MCM2: variants seen among roughly 807,000 people sequenced by gnomAD.
MCM2 encodes the protein minichromosome maintenance complex component 2, also known as DNA replication licensing factor MCM2.
MCM2 carries 49 observed loss-of-function variants against 86.4 expected under a neutral mutation model. The observed-to-expected ratio is 0.57, with a 90% confidence interval of 0.45 to 0.72. The LOEUF is 0.72. MCM2 is among the 30% of genes least tolerant of loss of function. The pLI, the probability that MCM2 is intolerant of heterozygous loss-of-function variation, is 0.00. For synonymous variants in MCM2, 475 were observed against 484.6 expected, an observed-to-expected ratio of 0.98 and a Z score of 0.26; for missense variants, 1,038 against 1,259.9, an observed-to-expected ratio of 0.82 and a Z score of 2.67.
At chr3:127,611,121 C>T (rs567160626) in intron 8 of MCM2, 1 of 379,124 alleles carries the variant, frequency 2.6e-6, no homozygotes, top group East Asian at 7.2e-5. Flanking sequence ...AAAGCCAGGA[C>T]CTCCCAGCCT....
rs111346122 is a variant in MCM2 at position 127,606,551 on chromosome 3, C to G, written c.894-59C>G. On this transcript the variant is annotated intron_variant, in intron 5 of 15. Transcript: ENST00000265056. The surrounding 1 kb of genome is among the most constrained non-coding windows in gnomAD (Gnocchi z 4.2). Reference sequence around the variant, plus strand: ...CCAGGACAGTGTGTTGGGACACTCTCGTCTGCAGCCTGGCCTCACCCTGGC... The same window carrying G: ...CCAGGACAGTGTGTTGGGACACTCTGGTCTGCAGCCTGGCCTCACCCTGGC... 6 of 1,498,346 alleles carry G rather than the reference C, an allele frequency of 4.0e-6. No individual in the cohort carries two copies. Among genetic ancestry groups the G allele is most frequent in the Non-Finnish European group, 9.3e-7 (1 of 1,078,958 alleles). The allele number at this position is 1,498,346 out of a possible 1,614,324, so 92.8% of individuals were successfully genotyped here. A position where few individuals can be genotyped will look rare whatever the true frequency, so the allele number is the denominator to read the frequency against.
At chr3:127,610,877 C>T (rs1307793382) in intron 8 of MCM2, 1 of 456,564 alleles carries the variant, frequency 2.2e-6, no homozygotes, top group African/African-American at 2.0e-5. Flanking sequence ...CTGGGGTTCC[C>T]ATAGGAGAGG....
In MCM2 at chr3:127,606,262, A is replaced by C; in HGVS notation, c.818A>C (p.Lys273Thr). The C allele has an allele frequency of 6.2e-7, 1 of 1,614,238 alleles. No homozygotes were observed. The highest frequency in any genetic ancestry group is 8.5e-7 in the Non-Finnish European group (1 of 1,180,042). ...ALEVVLAMYP[K>T]YDRITNHIHV... Reference sequence around the variant, plus strand: ...GAGGTGGTACTGGCCATGTACCCCAAGTACGACCGCATCACCAACCACATC... The same window carrying C: ...GAGGTGGTACTGGCCATGTACCCCACGTACGACCGCATCACCAACCACATC... Residue 273 changes from lysine (K) to threonine (T), a missense_variant, in exon 5 of 16, where the codon AAG (lysine) becomes ACG (threonine). This residue lies in a region of MCM2 where 399 missense variants were observed against 507.2 expected (regional missense o/e 0.79). Transcript: ENST00000265056. The surrounding 1 kb of genome is among the most constrained non-coding windows in gnomAD (Gnocchi z 4.2).
chr3:127,621,544 G>A, intron 15 of MCM2, 119 bp from the exon 16 acceptor site: 1 of 688,266 alleles, frequency 1.5e-6, no homozygotes, highest in Non-Finnish European at 2.5e-6. Context: ...CTCCACCCCT[G>A]GATATTTTCC....
chr3:127,612,564 G>A (rs2074407040), intron 8 of MCM2, among the ~76,000 whole-genome samples: 1 of 152,238 alleles, frequency 6.6e-6, no homozygotes, highest in African/African-American at 2.4e-5. Context: ...CTGGATGGAA[G>A]AGCCTGTGAC....
rs2074367226 is a variant in MCM2, at chr3:127,608,489, G to A, written c.1209G>A (p.Val403=). The change falls in exon 7 of 16, where the codon GTG becomes GTA. Residue 403 remains valine, a synonymous_variant. Coordinates refer to ENST00000265056, the MANE Select transcript of MCM2 (RefSeq NM_004526.4). The part of the protein sequence containing the change: ...SKDAILLADL[V]DSCKPGDEIE... ...ACGCCATTCTCCTCGCAGATCTGGT[G>A]GACAGCTGCAAGCCAGGAGACGAGA... is the stretch of plus-strand genomic sequence containing the variant. The A allele has an allele frequency of 6.2e-7, 1 of 1,614,068 alleles. No individual in the cohort carries two copies. The highest frequency in any genetic ancestry group is 1.3e-5 in the African/African-American group (1 of 74,924).
chr3:127,604,443 A>G (rs560669852), intron 2 of MCM2, among the ~76,000 whole-genome samples, 165 bp from the exon 3 acceptor site: 2 of 152,264 alleles, frequency 1.3e-5, no homozygotes, highest in East Asian at 3.9e-4. Context: ...TTGTTCATCC[A>G]TTGGAGATCT....
In MCM2 at chr3:127,616,860, C is replaced by T. The variant is rs1351848285; in HGVS notation, c.1523-8C>T. The stretch of plus-strand genomic sequence containing the variant: ...TCCCCCTCCCCCGCTTCTACTCATC[C>T]CCTCCAGGTGGCAAGCACAAGGTAC... On this transcript the variant is annotated splice_polypyrimidine_tract_variant and splice_region_variant and intron_variant, in intron 9 of 15. Transcript: ENST00000265056. 6 of 1,608,060 alleles carry T rather than the reference C, an allele frequency of 3.7e-6. No homozygotes were observed. The African/African-American group carries it at 8.0e-5, about 21-fold the overall frequency.
At chr3:127,621,574 G>T in intron 15 of MCM2, 89 bp from the exon 16 acceptor site, 1 of 798,642 alleles carries the variant, frequency 1.3e-6, no homozygotes, top group Non-Finnish European at 2.1e-6. Flanking sequence ...TGGAGGTGAT[G>T]GTGTCTGAAA....
In MCM2 at chr3:127,608,450, G is replaced by GCCCCGCTC. The variant is rs974258501; in HGVS notation, c.1172_1179dup (p.Lys394ProfsTer22). 1 of 1,614,108 alleles carries GCCCCGCTC rather than the reference G, an allele frequency of 6.2e-7. No individual in the cohort carries two copies. Among genetic ancestry groups the GCCCCGCTC allele is most frequent in the African/African-American group, 1.3e-5 (1 of 74,946 alleles). ...CAGGCAAAGTGGCGGCTGGCCGGCT[G>GCCCCGCTC]CCCCGCTCCAAGGACGCCATTCTCC... On this transcript the variant is annotated frameshift_variant, in exon 7 of 16. Coordinates refer to ENST00000265056, the MANE Select transcript of MCM2 (RefSeq NM_004526.4). LOFTEE classifies it high-confidence loss of function.
chr3:127,617,955 C>T lies in MCM2; in HGVS notation c.1901-14C>T. 6.2e-7 allele frequency: 1 copy of T among 1,605,238 alleles called. No homozygotes were observed. The highest frequency in any genetic ancestry group is 8.5e-7 in the Non-Finnish European group (1 of 1,173,386). ...GGGAATCCACCCTGATGGAGGTGCTCCCCTGTGTTTCAGGAGGGCGCTACG... is the reference window on the plus strand; with the variant it reads ...GGGAATCCACCCTGATGGAGGTGCTTCCCTGTGTTTCAGGAGGGCGCTACG... On this transcript the variant is annotated splice_polypyrimidine_tract_variant and intron_variant, in intron 11 of 15. Transcript: ENST00000265056. The surrounding 1 kb of genome is among the most constrained non-coding windows in gnomAD (Gnocchi z 4.1).
chr3:127,614,921 T>G (rs969270200), intron 8 of MCM2, among the ~76,000 whole-genome samples: 2 of 152,230 alleles, frequency 1.3e-5, no homozygotes, highest in Non-Finnish European at 2.9e-5. Flanking sequence ...GCCCCGGACC[T>G]GGAATTGGAC....
In MCM2 at chr3:127,622,002, T is replaced by C. The variant is rs1576422212; in HGVS notation, c.*229T>C. On this transcript the variant is annotated 3_prime_UTR_variant, in exon 16 of 16. Transcript: ENST00000265056. ...TTGCCAGTGTGTCTTACTTGGTTGC[T>C]GAACATCTTGCCACCTCCGAGTGCT... 3 of 488,316 alleles carry C rather than the reference T, an allele frequency of 6.1e-6. No individual in the cohort carries two copies. The highest frequency in any genetic ancestry group is 7.4e-5 in the East Asian group (2 of 26,948). 30.2% of individuals were successfully genotyped at this position (488,316 alleles called of 1,614,324 possible). A position where few individuals can be genotyped will look rare whatever the true frequency, so the allele number is the denominator to read the frequency against.
intron 13 of MCM2, among the ~76,000 whole-genome samples, chr3:127,619,679 A>G (rs2107696463): frequency 6.6e-6 from 1 of 152,032 alleles, no homozygotes; most frequent in South Asian, 2.1e-4. Flanking sequence ...ACTCCATCTC[A>G]AAAACAAAAA....
At position 127,611,402 on chromosome 3, in the gene MCM2, T is replaced by C. The variant is rs3773128; in HGVS notation, c.1428+2379T>C. Among the ~76,000 whole-genome samples the C allele has an allele frequency of 0.018, 2,712 of 152,318 alleles. 229 individuals carry two copies. The East Asian group carries it at 0.28, about 16-fold the overall frequency. On this transcript the variant is annotated intron_variant, in intron 8 of 15. Transcript: ENST00000265056. ...CTTCAGCCACTAATCTCCCACTCTG[T>C]TGATTGAAGAGGTGAGAGACCCATA...
At position 127,617,022 on chromosome 3, in the gene MCM2, T is replaced by G; in HGVS notation, c.1677T>G (p.Tyr559Ter). The G allele has an allele frequency of 6.2e-7, 1 of 1,614,220 alleles. No homozygotes were observed. Among genetic ancestry groups the G allele is most frequent in the Non-Finnish European group, 8.5e-7 (1 of 1,180,052 alleles). The change falls in exon 10 of 16, where the codon TAT becomes TAG. Residue 559 changes from tyrosine (Y) to a stop codon, truncating the protein, a stop_gained. Coordinates refer to ENST00000265056, the MANE Select transcript of MCM2 (RefSeq NM_004526.4). LOFTEE classifies it high-confidence loss of function. The surrounding 1 kb of genome is among the most constrained non-coding windows in gnomAD (Gnocchi z 4.1). ...QGASAVGLTA[Y>*]VQRHPVSREW... ...CGTCGGCTGTGGGCCTCACGGCGTA[T>G]GTCCAGCGGCACCCTGTCAGCAGGG...
At chr3:127,621,611 A>G in intron 15 of MCM2, 52 bp from the exon 16 acceptor site, 2 of 1,227,388 alleles carry the variant, frequency 1.6e-6, no homozygotes, top group Non-Finnish European at 1.2e-6. Context: ...GCGCTCTGGA[A>G]ACAGCCTGTT....
intron 2 of MCM2, chr3:127,604,394 T>C (rs766819857): frequency 1.9e-6 from 1 of 525,218 alleles, no homozygotes; most frequent in African/African-American, 1.9e-5. Context: ...TTCCTTCTAT[T>C]TTAAGGCTTC....
chr3:127,598,763 C>G (rs1437023713), intron 1 of MCM2: 2 of 491,458 alleles, frequency 4.1e-6, no homozygotes, highest in Non-Finnish European at 7.1e-6. Context: ...GTACAAAAGA[C>G]AGGCCCCCAT....
Sources: allele counts gnomAD v4.1 joint callset (sites outside exome capture counted in the v4.1 genomes callset), GRCh38; gene constraint gnomAD v4.1.1; regional missense constraint gnomAD v4.1.1; non-coding constraint Gnocchi (gnomAD v3.1); transcripts MANE v1.5; gene names NCBI Gene and HGNC (gene_info 2026-07-23, HGNC 2026-07-21).